Variants in SPATA18 observed in about 807,000 individuals in gnomAD.
SPATA18 encodes the protein mitochondria-eating protein.
In SPATA18, 54 loss-of-function variants were observed where a neutral mutation model predicts 68.1. The ratio of observed to expected loss-of-function variants is 0.79; its 90% CI spans 0.64 to 0.99. The LOEUF (loss-of-function observed/expected upper bound fraction) is 0.99, where lower values mean the gene tolerates loss of function less well. Among genes scored for constraint, SPATA18 ranks in the 50% least tolerant of loss-of-function variants. The probability of loss-of-function intolerance (pLI) is 0.00; values close to 1 mark genes in which losing one functional copy is unlikely to be tolerated. For missense variants in SPATA18, 724 were observed against 681.1 expected, an observed-to-expected ratio of 1.06 and a Z score of -0.70; for synonymous variants, 242 against 244.8, an observed-to-expected ratio of 0.99 and a Z score of 0.11.
rs1182783081 is a variant in SPATA18 at position 52,076,851 on chromosome 4, C to T, written c.831C>T (p.Pro277=). The T allele has an allele frequency of 6.2e-7, 1 of 1,614,126 alleles. No homozygotes were observed. Among genetic ancestry groups the T allele is most frequent in the African/African-American group, 1.3e-5 (1 of 74,948 alleles). The change falls in exon 7 of 13, where the codon CCC becomes CCT. Residue 277 remains proline, a synonymous_variant. Coordinates refer to ENST00000295213, the MANE Select transcript of SPATA18 (RefSeq NM_145263.4). ...GCAGCCGCAGCAGATCTGCCAGCCC[C>T]TCCACCGCTGTCAAGGTCAGGAGAC... ...RSCSRSRSAS[P]STAVKVRRPS...
chr4:52,088,402 G>C (rs923104212), intron 11 of SPATA18, among the ~76,000 whole-genome samples: 5 of 152,110 alleles, frequency 3.3e-5, no homozygotes, highest in African/African-American at 1.2e-4. Context: ...TATGATATTG[G>C]CTGTGGATTT....
At chr4:52,093,187 G>GAT (rs1742136692) in intron 11 of SPATA18, among the ~76,000 whole-genome samples, 1 of 152,142 alleles carries the variant, frequency 6.6e-6, no homozygotes, top group African/African-American at 2.4e-5. Flanking sequence ...GATTTAAACA[G>GAT]ATTAGCTGAA....
Position 52,082,426 on chromosome 4 carries a change from A to G in SPATA18, c.1395A>G (p.Leu465=), listed in dbSNP as rs758217095. Residue 465 remains leucine, a synonymous_variant, in exon 10 of 13, where the codon TTA becomes TTG. Transcript: ENST00000295213. ...RSYDSDFTAP[L]VLYHVWPALM... ...ACGACTCGGATTTCACTGCTCCCTT[A>G]GTCCTCTATCACGTGTGGCCTGCTC... 1 of 1,614,114 alleles carries G rather than the reference A, an allele frequency of 6.2e-7. No homozygotes were observed. The highest frequency in any genetic ancestry group is 1.3e-5 in the African/African-American group (1 of 75,038).
intron 3 of SPATA18, among the ~76,000 whole-genome samples, chr4:52,061,963 A>G (rs527309068): frequency 1.4e-3 from 220 of 152,300 alleles, no homozygotes; most frequent in Non-Finnish European, 2.8e-3. Context: ...CAGCAAATGC[A>G]TATACCTGTG....
At chr4:52,079,956 A>T (rs757685611) in intron 9 of SPATA18, 37 bp downstream of exon 9, 3 of 1,586,352 alleles carry the variant, frequency 1.9e-6, no homozygotes, top group Non-Finnish European at 2.6e-6. Context: ...GGGATTTATC[A>T]TGAATACATT....
intron 11 of SPATA18, among the ~76,000 whole-genome samples, chr4:52,088,159 A>G (rs1006486630): frequency 1.3e-5 from 2 of 152,196 alleles, no homozygotes; most frequent in Non-Finnish European, 2.9e-5. Flanking sequence ...TATTAGCTTA[A>G]GGAGGTTTTG....
chr4:52,078,564 T>C, intron 7 of SPATA18, 171 bp from the exon 8 acceptor site: 1 of 525,668 alleles, frequency 1.9e-6, no homozygotes, highest in Non-Finnish European at 3.3e-6. Context: ...TTATGTACTT[T>C]TCAAAGTTAG....
At chr4:52,074,977 A>G (rs956243624) in intron 6 of SPATA18, among the ~76,000 whole-genome samples, 7 of 152,136 alleles carry the variant, frequency 4.6e-5, no homozygotes, top group African/African-American at 1.7e-4. Flanking sequence ...CTAGAGGATG[A>G]CTTTGAGAGG....
intron 2 of SPATA18, 72 bp downstream of exon 2, chr4:52,060,596 C>CT: frequency 6.9e-7 from 1 of 1,451,794 alleles, no homozygotes; most frequent in African/African-American, 1.4e-5. Flanking sequence ...TTTTTGTGTT[C>CT]TTTGACTGTT....
intron 4 of SPATA18, among the ~76,000 whole-genome samples, chr4:52,064,244 G>C (rs947049679): frequency 1.3e-5 from 2 of 150,888 alleles, no homozygotes; most frequent in Non-Finnish European, 2.9e-5. Context: ...ACATGAAGAT[G>C]CTTGCTGCTT....
At chr4:52,068,035 G>C (rs191857838) in intron 4 of SPATA18, among the ~76,000 whole-genome samples, 1 of 152,196 alleles carries the variant, frequency 6.6e-6, no homozygotes, top group Admixed American at 6.5e-5. Flanking sequence ...TCATCCAAGC[G>C]TGTGAAATTA....
chr4:52,066,873 T>G (rs776669596), intron 4 of SPATA18, among the ~76,000 whole-genome samples: 1 of 152,246 alleles, frequency 6.6e-6, no homozygotes, highest in African/African-American at 2.4e-5. Context: ...ATGGTGCATA[T>G]GTACCACATT....
chr4:52,071,841 A>G (rs2109458547), intron 5 of SPATA18, 76 bp from the exon 6 acceptor site: 2 of 1,457,290 alleles, frequency 1.4e-6, no homozygotes, highest in Non-Finnish European at 1.9e-6. Context: ...ATTGCTGCTT[A>G]TTACCTTTCC....
chr4:52,083,183 A>G, intron 10 of SPATA18: 2 of 985,292 alleles, frequency 2.0e-6, no homozygotes, highest in Non-Finnish European at 2.4e-6. Context: ...TAGTGCTTGG[A>G]TATTCTGCAT....
At chr4:52,052,459 G>T (rs1737979802) in intron 1 of SPATA18, among the ~76,000 whole-genome samples, 1 of 151,990 alleles carries the variant, frequency 6.6e-6, no homozygotes, top group South Asian at 2.1e-4. Context: ...ATCCCTACTC[G>T]CACCCTGCCT....
chr4:52,058,397 A>G (rs1738539329), intron 1 of SPATA18, among the ~76,000 whole-genome samples: 1 of 152,176 alleles, frequency 6.6e-6, no homozygotes, highest in Admixed American at 6.5e-5. Context: ...TTTACCAAGC[A>G]TGGAAATTAA....
Position 52,072,067 on chromosome 4 carries a change from A to C in SPATA18, c.669A>C (p.Thr223=), listed in dbSNP as rs1446324286. ...AGCAGAATGCAGACCAGCAGGACAC[A>C]GAAGCCATGTCCGATTATAAGAAAC... is the stretch of plus-strand genomic sequence containing the variant. The part of the protein sequence containing the change: ...SLKQNADQQD[T]EAMSDYKKQL... Residue 223 remains threonine (T), a synonymous_variant, in exon 6 of 13, where the codon ACA becomes ACC. Coordinates refer to ENST00000295213, the MANE Select transcript of SPATA18 (RefSeq NM_145263.4). The C allele has an allele frequency of 1.2e-6, 2 of 1,613,996 alleles. No individual in the cohort carries two copies. Among genetic ancestry groups the C allele is most frequent in the East Asian group, 4.5e-5 (2 of 44,838 alleles).
At chr4:52,055,330 T>C (rs1370158303) in intron 1 of SPATA18, among the ~76,000 whole-genome samples, 2 of 152,184 alleles carry the variant, frequency 1.3e-5, no homozygotes, top group African/African-American at 4.8e-5. Flanking sequence ...CCACTTCCAA[T>C]CCAACTTTGA....
intron 4 of SPATA18, 59 bp from the exon 5 acceptor site, chr4:52,069,762 G>A: frequency 7.5e-7 from 1 of 1,337,324 alleles, no homozygotes; most frequent in Non-Finnish European, 1.0e-6. Context: ...CCTCTGCCTT[G>A]ATTTAGAAAG....
Sources: gnomAD v4.1 joint callset for allele counts (sites outside exome capture counted in the v4.1 genomes callset) on GRCh38, gnomAD v4.1.1 for gene constraint, MANE v1.5 for transcripts, NCBI Gene and HGNC (gene_info 2026-07-23, HGNC 2026-07-21) for gene names.